Variants in PPP2R1B observed in about 807,000 individuals in gnomAD.
PPP2R1B encodes the protein serine/threonine-protein phosphatase 2A 65 kDa regulatory subunit A beta isoform.
PPP2R1B carries 58 observed loss-of-function variants against 72.7 expected under a neutral mutation model. The observed-to-expected ratio is 0.80, with a 90% CI of 0.65 to 0.99. PPP2R1B has a LOEUF of 0.99. Among genes scored for constraint, PPP2R1B ranks in the 50% least tolerant of loss-of-function variants. The probability of loss-of-function intolerance (pLI) is 0.00; values close to 1 mark genes in which losing one functional copy is unlikely to be tolerated. For missense variants in PPP2R1B, 695 were observed against 733.6 expected, an observed-to-expected ratio of 0.95 and a Z score of 0.61; for synonymous variants, 256 against 264.6, an observed-to-expected ratio of 0.97 and a Z score of 0.32.
Position 111,765,171 on chromosome 11 carries a change from T to C in PPP2R1B, c.205+123A>G, listed in dbSNP as rs1945476787. Reference sequence around the variant, plus strand: ...ACAACTAACAATATACTCTGTTCTGTTTCTTTTGCACAAAAAACACCTGGC... The same window carrying C: ...ACAACTAACAATATACTCTGTTCTGCTTCTTTTGCACAAAAAACACCTGGC... On this transcript the variant is annotated intron_variant, in intron 2 of 14. Coordinates refer to ENST00000527614, the MANE Select transcript of PPP2R1B (RefSeq NM_002716.5). The C allele has an allele frequency of 6.2e-6, 7 of 1,120,358 alleles. No individual in the cohort carries two copies. In the South Asian group the frequency reaches 1.0e-4, roughly 17 times the overall value. The allele number at this position is 1,120,358 out of a possible 1,614,324, so 69.4% of individuals were successfully genotyped here. A position where few individuals can be genotyped will look rare whatever the true frequency, so the allele number is the denominator to read the frequency against.
At position 111,765,380 on chromosome 11, in the gene PPP2R1B, C is replaced by T. The variant is rs1555052727; in HGVS notation, c.119G>A (p.Arg40Gln). The T allele has an allele frequency of 1.2e-6, 2 of 1,608,510 alleles. No individual in the cohort carries two copies. Among genetic ancestry groups the T allele is most frequent in the South Asian group, 1.1e-5 (1 of 89,796 alleles). The change falls in exon 2 of 15, where the codon CGA becomes CAA. Residue 40 changes from arginine to glutamine, a missense_variant. Physicochemically the swap from Arg to Gln is conservative, Grantham distance 43 (BLOSUM62 1). Coordinates refer to ENST00000527614, the MANE Select transcript of PPP2R1B (RefSeq NM_002716.5). ...DELRNEDVQL[R>Q]LNSIKKLSTI... is the part of the protein sequence containing the mutation. ...TGATAACTTCTTAATACTGTTGAGT[C>T]GGAGCTTCAGAAAAGAAAGTAGAAA...
intron 15 of PPP2R1B, among the ~76,000 whole-genome samples, chr11:111,731,674 A>C (rs1187688654): frequency 6.6e-6 from 1 of 152,200 alleles, no homozygotes; most frequent in East Asian, 1.9e-4. Flanking sequence ...GGGAAGGTGC[A>C]GTCGGCAGGG....
the PPP2R1B span, among the ~76,000 whole-genome samples, chr11:111,717,317 CAAAAA>C: frequency 7.5e-4 from 37 of 49,460 alleles, no homozygotes; most frequent in Middle Eastern, 0.045. Context: ...GACTCCGTCT[CAAAAA>C]AAAAAAAAAA....
chr11:111,756,158 C>T (rs1488400672), intron 5 of PPP2R1B, among the ~76,000 whole-genome samples: 3 of 150,052 alleles, frequency 2.0e-5, no homozygotes, highest in Admixed American at 6.7e-5. Context: ...TGCAGTGAGC[C>T]GAGACTGCAC....
intron 5 of PPP2R1B, among the ~76,000 whole-genome samples, chr11:111,758,708 T>C (rs1275758396): frequency 6.6e-6 from 1 of 151,872 alleles, no homozygotes; most frequent in East Asian, 1.9e-4. Context: ...GAAAGAGAGA[T>C]TGTGTTTGAA....
intron 3 of PPP2R1B, among the ~76,000 whole-genome samples, chr11:111,762,353 C>T (rs1475258520): frequency 2.6e-5 from 4 of 152,172 alleles, no homozygotes; most frequent in Admixed American, 2.6e-4. Flanking sequence ...CTGTTTCTCA[C>T]TTGCCAATGC....
At chr11:111,747,380 C>A (rs1019472328) in intron 11 of PPP2R1B, among the ~76,000 whole-genome samples, 1 of 152,208 alleles carries the variant, frequency 6.6e-6, no homozygotes, top group Non-Finnish European at 1.5e-5. Flanking sequence ...TGAGCTCACC[C>A]TCTCCTAGCA....
downstream of PPP2R1B, chr11:111,737,639 T>C: frequency 6.2e-7 from 1 of 1,601,228 alleles, no homozygotes; most frequent in Non-Finnish European, 8.5e-7. Context: ...CCACCTGTGC[T>C]TCCCAGCCAG....
chr11:111,742,169 G>A (rs1420988050), intron 13 of PPP2R1B, 25 bp from the exon 14 acceptor site: 2 of 1,567,382 alleles, frequency 1.3e-6, no homozygotes, highest in East Asian at 2.2e-5. Flanking sequence ...TATTATCTGT[G>A]AAAGACAGTC....
the PPP2R1B span, among the ~76,000 whole-genome samples, chr11:111,707,590 C>T: frequency 6.6e-6 from 1 of 152,130 alleles, no homozygotes; most frequent in African/African-American, 2.4e-5. Flanking sequence ...AACAGGCCCC[C>T]TCCTCTCAGA....
At chr11:111,704,882 A>G in the PPP2R1B span, 2 of 1,359,812 alleles carry the variant, frequency 1.5e-6, no homozygotes, top group Non-Finnish European at 2.0e-6. Flanking sequence ...TTTTCACCCT[A>G]TTTTTAAGAG....
intron 9 of PPP2R1B, 100 bp from the exon 10 acceptor site, chr11:111,752,432 T>C: frequency 8.3e-7 from 1 of 1,211,006 alleles, no homozygotes; most frequent in Non-Finnish European, 1.1e-6. Flanking sequence ...AAGACTCAGG[T>C]GAAAAAAAAA....
At position 111,752,392 on chromosome 11, in the gene PPP2R1B, C is replaced by T. The variant is rs1591695040; in HGVS notation, c.1165-60G>A. ...AAAATCAAGTACTCTGCCCAACAGT[C>T]TCCTGTCAGGGTAAGATAAAAGGTG... On this transcript the variant is annotated intron_variant, in intron 9 of 14. Transcript: ENST00000527614. 3.4e-6 allele frequency: 5 copies of T among 1,476,768 alleles called. No individual in the cohort carries two copies. In the East Asian group the frequency reaches 9.4e-5, roughly 28 times the overall value. 91.5% of individuals were successfully genotyped at this position (1,476,768 alleles called of 1,614,324 possible).
At chr11:111,757,550 C>A (rs1945169226) in intron 5 of PPP2R1B, among the ~76,000 whole-genome samples, 2 of 152,196 alleles carry the variant, frequency 1.3e-5, no homozygotes, top group South Asian at 4.2e-4. Flanking sequence ...AAAATTACTT[C>A]TCTGGTCTGG....
downstream of PPP2R1B, chr11:111,724,085 G>A: frequency 6.2e-7 from 1 of 1,613,296 alleles, no homozygotes; most frequent in Non-Finnish European, 8.5e-7. Context: ...TGAAATGCTA[G>A]ACGCTGTGGA....
chr11:111,705,077 G>C, the PPP2R1B span: 1 of 1,607,496 alleles, frequency 6.2e-7, no homozygotes, highest in Non-Finnish European at 8.5e-7. This position sits in a 1 kb window ranked among gnomAD's most constrained non-coding sequence, Gnocchi z 4.3. Context: ...TTTCCCAGTG[G>C]AGCAGAGACT....
chr11:111,744,027 G>T (rs994523899), intron 11 of PPP2R1B, among the ~76,000 whole-genome samples: 1 of 152,208 alleles, frequency 6.6e-6, no homozygotes, highest in African/African-American at 2.4e-5. Flanking sequence ...GAGGATCTGT[G>T]TAAGTGGAGA....
chr11:111,706,228 TG>T, the PPP2R1B span, among the ~76,000 whole-genome samples: 1 of 152,266 alleles, frequency 6.6e-6, no homozygotes, highest in Non-Finnish European at 1.5e-5. Context: ...GTAAGTGCTA[TG>T]TAAGTACTTG....
At position 111,761,012 on chromosome 11, in the gene PPP2R1B, C is replaced by CAA; in HGVS notation, c.344_345dup (p.Val116LeufsTer10). 1.2e-6 allele frequency: 2 copies of CAA among 1,614,174 alleles called. No individual in the cohort carries two copies. The highest frequency in any genetic ancestry group is 1.7e-6 in the Non-Finnish European group (2 of 1,180,028). Reference sequence around the variant, plus strand: ...AGGGACTCCACAGCCTTGTCACGAACAACAGTCTCTTCCACAGTTGCCAGA... The same window carrying CAA: ...AGGGACTCCACAGCCTTGTCACGAACAAAACAGTCTCTTCCACAGTTGCCAGA... On this transcript the variant is annotated frameshift_variant, in exon 4 of 15. Coordinates refer to ENST00000527614, the MANE Select transcript of PPP2R1B (RefSeq NM_002716.5). LOFTEE classifies it high-confidence loss of function.
Sources: allele counts gnomAD v4.1 joint callset (sites outside exome capture counted in the v4.1 genomes callset), GRCh38; gene constraint gnomAD v4.1.1; non-coding constraint Gnocchi (gnomAD v3.1); transcripts MANE v1.5; gene names NCBI Gene and HGNC (gene_info 2026-07-23, HGNC 2026-07-21).